The following SHISAL1 variants were observed in gnomAD, a reference collection of about 807,000 sequenced individuals.
SHISAL1 encodes the protein shisa like 1, also known as protein shisa-like-1.
A neutral mutation model predicts 22.6 loss-of-function variants in SHISAL1; 9 were observed. The ratio of observed to expected loss-of-function variants is 0.40; its 90% CI spans 0.24 to 0.70. The LOEUF is 0.70. SHISAL1 is among the 30% of genes least tolerant of loss of function. The probability of loss-of-function intolerance (pLI) is 0.39; values close to 1 mark genes in which losing one functional copy is unlikely to be tolerated. For synonymous variants in SHISAL1, 119 were observed against 115.4 expected, an observed-to-expected ratio of 1.03 and a Z score of -0.20; for missense variants, 246 against 270.6, an observed-to-expected ratio of 0.91 and a Z score of 0.64.
chr22:44,298,765 G>C (rs12159864), intron 2 of SHISAL1, among the ~76,000 whole-genome samples: 19,949 of 152,280 alleles, frequency 0.13, 4,427 homozygotes, highest in African/African-American at 0.46. Context: ...TGCAGAGATG[G>C]GGGGCCGGGG....
At chr22:44,253,955 A>T (rs549638749) in intron 4 of SHISAL1, among the ~76,000 whole-genome samples, 118 of 152,212 alleles carry the variant, frequency 7.8e-4, no homozygotes, top group Non-Finnish European at 1.3e-3. Flanking sequence ...AAAAACAGAA[A>T]TAAGACAACA....
chr22:44,271,579 G>A (rs2055205792), intron 4 of SHISAL1, among the ~76,000 whole-genome samples: 1 of 152,204 alleles, frequency 6.6e-6, no homozygotes, highest in South Asian at 2.1e-4. Flanking sequence ...AAATATTTTA[G>A]CAGTTAAGAC....
At chr22:44,319,852 A>T in the SHISAL1 span, among the ~76,000 whole-genome samples, 1 of 152,184 alleles carries the variant, frequency 6.6e-6, no homozygotes, top group Non-Finnish European at 1.5e-5. Context: ...CCGGGGAAAG[A>T]AAGGGGTCGT....
chr22:44,308,253 T>G (rs533852126), intron 1 of SHISAL1, among the ~76,000 whole-genome samples: 3 of 152,344 alleles, frequency 2.0e-5, no homozygotes, highest in South Asian at 2.1e-4. Context: ...TGCTTCTTGC[T>G]GCTGCTGTCT....
Position 44,248,235 on chromosome 22 carries a change from C to T in SHISAL1, c.*1450G>A, listed in dbSNP as rs1387030474. ...GGACCTGCCTTGCTCACTGTCGTGT[C>T]TGGTGAATGGATGGGTGGTCAGTGT... On this transcript the variant is annotated 3_prime_UTR_variant, in exon 5 of 5. Transcript: ENST00000381176. 1 of 148,530 alleles carries T rather than the reference C, an allele frequency of 6.7e-6. No individual in the cohort carries two copies. The highest frequency in any genetic ancestry group is 1.9e-4 in the East Asian group (1 of 5,190). The allele number at this position is 148,530 out of a possible 1,614,324, so 9.2% of individuals were successfully genotyped here.
At chr22:44,258,080 C>T (rs567379380) in intron 4 of SHISAL1, among the ~76,000 whole-genome samples, 18 of 152,146 alleles carry the variant, frequency 1.2e-4, no homozygotes, top group African/African-American at 3.9e-4. Flanking sequence ...GCGGAGGTTG[C>T]GGTGAGCTGA....
At chr22:44,261,100 C>CAT (rs1457689043) in intron 4 of SHISAL1, among the ~76,000 whole-genome samples, 1 of 117,828 alleles carries the variant, frequency 8.5e-6, no homozygotes, top group South Asian at 2.7e-4. Flanking sequence ...TATATATATA[C>CAT]ACTATATGGA....
chr22:44,283,116 G>A (rs1199939533), intron 4 of SHISAL1, among the ~76,000 whole-genome samples: 3 of 152,246 alleles, frequency 2.0e-5, no homozygotes, highest in African/African-American at 2.4e-5. Flanking sequence ...GTCACGCTGC[G>A]TGTCAAAGAG....
intron 4 of SHISAL1, among the ~76,000 whole-genome samples, chr22:44,258,683 T>A (rs1157301317): frequency 6.6e-6 from 1 of 152,190 alleles, no homozygotes; most frequent in Non-Finnish European, 1.5e-5. Context: ...TAGTCCATGG[T>A]GTATACATAG....
At chr22:44,311,744 C>A (rs1341269541) in intron 1 of SHISAL1, among the ~76,000 whole-genome samples, 1 of 152,212 alleles carries the variant, frequency 6.6e-6, no homozygotes, top group South Asian at 2.1e-4. Flanking sequence ...CTCCAGGGGG[C>A]CACACTGGGT....
At chr22:44,288,081 A>G (rs564654295) in intron 3 of SHISAL1, among the ~76,000 whole-genome samples, 2 of 152,188 alleles carry the variant, frequency 1.3e-5, no homozygotes, top group South Asian at 2.1e-4. Flanking sequence ...GTGGCAGTGG[A>G]CGCTCGTTCC....
rs147771047 is a variant in SHISAL1, at chr22:44,282,554, A to AG, written c.599+2873_599+2874insC. Among the ~76,000 whole-genome samples the AG allele has an allele frequency of 2.7e-3, 410 of 152,328 alleles. 4 individuals carry two copies. Among genetic ancestry groups the AG allele is most frequent in the African/African-American group, 9.1e-3 (380 of 41,572 alleles). On this transcript the variant is annotated intron_variant, in intron 4 of 4. Transcript: ENST00000381176. ...GCTGTCTTCCTCCTGCTGCCCCTGCACAGGGAGCCCTGAGGAGCTGGAGAA... is the reference window on the plus strand; with the variant it reads ...GCTGTCTTCCTCCTGCTGCCCCTGCAGCAGGGAGCCCTGAGGAGCTGGAGAA...
chr22:44,276,504 C>T (rs533417566), intron 4 of SHISAL1, among the ~76,000 whole-genome samples: 2 of 150,306 alleles, frequency 1.3e-5, no homozygotes, highest in African/African-American at 5.0e-5. Context: ...TATGTGGAGG[C>T]AGCTGCCTCC....
intron 3 of SHISAL1, among the ~76,000 whole-genome samples, chr22:44,289,672 G>A (rs983638107): frequency 8.5e-5 from 13 of 152,202 alleles, no homozygotes; most frequent in African/African-American, 3.1e-4. Context: ...GTGGCAGGCG[G>A]GGACGCCCAG....
intron 4 of SHISAL1, among the ~76,000 whole-genome samples, chr22:44,261,234 G>A (rs1281854664): frequency 6.7e-6 from 1 of 149,290 alleles, no homozygotes; most frequent in African/African-American, 2.5e-5. Context: ...CTTAACAACA[G>A]AACTGTTACT....
chr22:44,315,469 G>C (rs2055552219), upstream of SHISAL1, among the ~76,000 whole-genome samples: 1 of 152,072 alleles, frequency 6.6e-6, no homozygotes, highest in Non-Finnish European at 1.5e-5. Flanking sequence ...AATTCCAGTA[G>C]GGAATCGGTG....
At chr22:44,260,214 G>A (rs2055112139) in intron 4 of SHISAL1, among the ~76,000 whole-genome samples, 2 of 152,200 alleles carry the variant, frequency 1.3e-5, no homozygotes, top group African/African-American at 2.4e-5. Flanking sequence ...TAAGTCAGGA[G>A]CCTGTACTGT....
chr22:44,295,256 G>A (rs2055377752), intron 3 of SHISAL1, among the ~76,000 whole-genome samples: 1 of 151,632 alleles, frequency 6.6e-6, no homozygotes, highest in Non-Finnish European at 1.5e-5. Context: ...AAGATATTTG[G>A]TAAGTTTGCA....
chr22:44,273,110 A>C (rs1472816979), intron 4 of SHISAL1, among the ~76,000 whole-genome samples: 2 of 152,156 alleles, frequency 1.3e-5, no homozygotes, highest in Non-Finnish European at 2.9e-5. Flanking sequence ...AAAAAAACAA[A>C]AAAAACCACA....
Sources: allele counts gnomAD v4.1 joint callset (sites outside exome capture counted in the v4.1 genomes callset), GRCh38; gene constraint gnomAD v4.1.1; transcripts MANE v1.5; gene names NCBI Gene and HGNC (gene_info 2026-07-23, HGNC 2026-07-21).